GYS2: variants seen among roughly 807,000 people sequenced by gnomAD.
GYS2 encodes the protein glycogen [starch] synthase, liver.
A neutral mutation model predicts 85.6 loss-of-function variants in GYS2; 80 were observed. That is an observed-to-expected ratio of 0.93 (90% confidence interval 0.78 to 1.13). GYS2 has a LOEUF of 1.13. Ranked by LOEUF, GYS2 falls within the 50% of genes most tolerant of loss-of-function variation. GYS2 has a pLI of 0.00. For missense variants in GYS2, 881 were observed against 854.9 expected, an observed-to-expected ratio of 1.03 and a Z score of -0.38; for synonymous variants, 328 against 300.7, an observed-to-expected ratio of 1.09 and a Z score of -0.94.
intron 1 of GYS2, among the ~76,000 whole-genome samples, chr12:21,582,812 G>C (rs1944527866): frequency 6.6e-6 from 1 of 152,082 alleles, no homozygotes; most frequent in Non-Finnish European, 1.5e-5. Flanking sequence ...TTCTTCTAAT[G>C]GTATGGAGAA....
intron 1 of GYS2, among the ~76,000 whole-genome samples, chr12:21,580,768 G>C (rs1217658444): frequency 6.6e-5 from 10 of 152,196 alleles, no homozygotes; most frequent in African/African-American, 1.9e-4. Flanking sequence ...ATAGCAGCAG[G>C]CTGATGCCGC....
chr12:21,553,705 G>A (rs569754325), intron 11 of GYS2, among the ~76,000 whole-genome samples: 94 of 152,068 alleles, frequency 6.2e-4, no homozygotes, highest in Admixed American at 1.6e-3. Context: ...GAATGGAAAG[G>A]TTGCTGAATA....
intron 1 of GYS2, among the ~76,000 whole-genome samples, chr12:21,586,977 T>C (rs922075962): frequency 1.3e-5 from 2 of 152,170 alleles, no homozygotes; most frequent in Non-Finnish European, 2.9e-5. Flanking sequence ...TATATTTATA[T>C]ACATATATAT....
At chr12:21,598,388 C>G (rs898749645) in intron 1 of GYS2, among the ~76,000 whole-genome samples, 1 of 151,980 alleles carries the variant, frequency 6.6e-6, no homozygotes, top group Non-Finnish European at 1.5e-5. Context: ...GTAAGTAAAT[C>G]TTTGTCCCTC....
At chr12:21,604,078 T>C (rs1591816643) in intron 1 of GYS2, among the ~76,000 whole-genome samples, 1 of 152,230 alleles carries the variant, frequency 6.6e-6, no homozygotes, top group East Asian at 1.9e-4. Context: ...AGAGTTGAGG[T>C]TTCCAACTGG....
chr12:21,590,108 A>G (rs939896619), intron 1 of GYS2, among the ~76,000 whole-genome samples: 1 of 152,204 alleles, frequency 6.6e-6, no homozygotes, highest in Middle Eastern at 3.4e-3. Flanking sequence ...GGGCTGAAAC[A>G]CATGCCCACC....
At chr12:21,537,983 G>T (rs1943930032) in intron 15 of GYS2, among the ~76,000 whole-genome samples, 1 of 152,070 alleles carries the variant, frequency 6.6e-6, no homozygotes, top group Non-Finnish European at 1.5e-5. Flanking sequence ...TCATTTTAAG[G>T]TTCAGATACT....
intron 1 of GYS2, among the ~76,000 whole-genome samples, chr12:21,596,872 T>C (rs1219444498): frequency 6.6e-6 from 1 of 152,102 alleles, no homozygotes; most frequent in East Asian, 1.9e-4. Flanking sequence ...TCCAGAAAGC[T>C]CCTAGAACTG....
At chr12:21,594,123 A>T (rs10841853) in intron 1 of GYS2, among the ~76,000 whole-genome samples, 22,698 of 152,156 alleles carry the variant, frequency 0.15, 1,840 homozygotes, top group Middle Eastern at 0.16. Context: ...GTCATATATG[A>T]CAAACCCACA....
At chr12:21,599,121 T>G (rs1445760016) in intron 1 of GYS2, among the ~76,000 whole-genome samples, 1 of 152,032 alleles carries the variant, frequency 6.6e-6, no homozygotes, top group South Asian at 2.1e-4. Context: ...TCTATATATA[T>G]GTATACACAC....
chr12:21,541,702 T>C (rs1314512529), intron 13 of GYS2, among the ~76,000 whole-genome samples: 1 of 152,112 alleles, frequency 6.6e-6, no homozygotes, highest in African/African-American at 2.4e-5. Context: ...AGCTACTTTT[T>C]TTTCTCCACT....
chr12:21,541,356 G>T (rs1191479047), intron 13 of GYS2, among the ~76,000 whole-genome samples: 1 of 148,850 alleles, frequency 6.7e-6, no homozygotes, highest in Non-Finnish European at 1.5e-5. Context: ...TTTTCTTGCT[G>T]CTAGGGAATA....
intron 15 of GYS2, chr12:21,537,376 G>T: frequency 1.7e-6 from 1 of 601,694 alleles, no homozygotes. Flanking sequence ...TCTTTATTAA[G>T]TACTGAAATG....
intron 11 of GYS2, among the ~76,000 whole-genome samples, chr12:21,549,689 C>T (rs190122727): frequency 1.4e-3 from 218 of 152,218 alleles, no homozygotes; most frequent in Non-Finnish European, 1.9e-3. Flanking sequence ...TCTTACGCTT[C>T]TTCATAATTA....
At chr12:21,559,494 T>A (rs952710750) in intron 9 of GYS2, among the ~76,000 whole-genome samples, 157 bp downstream of exon 9, 2 of 152,172 alleles carry the variant, frequency 1.3e-5, no homozygotes, top group African/African-American at 4.8e-5. Flanking sequence ...TTTTGTCAAA[T>A]GAAGGGTAAA....
chr12:21,585,560 G>GAAAAAAAAAAA (rs36121025), intron 1 of GYS2, among the ~76,000 whole-genome samples: 4 of 115,788 alleles, frequency 3.5e-5, no homozygotes, highest in African/African-American at 9.7e-5. Context: ...ACTCCACCAG[G>GAAAAAAAAAAA]AAAAAAAAAA....
At chr12:21,572,362 T>C (rs1316748782) in intron 4 of GYS2, among the ~76,000 whole-genome samples, 1 of 152,186 alleles carries the variant, frequency 6.6e-6, no homozygotes, top group Non-Finnish European at 1.5e-5. Context: ...GAGTCAGAAT[T>C]TACTGAAGCT....
At chr12:21,584,132 A>G (rs1043191852) in intron 1 of GYS2, among the ~76,000 whole-genome samples, 2 of 152,188 alleles carry the variant, frequency 1.3e-5, no homozygotes, top group African/African-American at 4.8e-5. Flanking sequence ...GTGAAGGGAA[A>G]TCTTCCTAGT....
At chr12:21,543,199 A>C (rs1376133496) in intron 12 of GYS2, among the ~76,000 whole-genome samples, 1 of 152,192 alleles carries the variant, frequency 6.6e-6, no homozygotes, top group African/African-American at 2.4e-5. Context: ...AAGGATGTCT[A>C]CATTTTTAGG....
Sources: gnomAD v4.1 joint callset for allele counts (sites outside exome capture counted in the v4.1 genomes callset) on GRCh38, gnomAD v4.1.1 for gene constraint, MANE v1.5 for transcripts, NCBI Gene and HGNC (gene_info 2026-07-23, HGNC 2026-07-21) for gene names.